EYA2: variants seen among roughly 807,000 people sequenced by gnomAD.
EYA2 encodes protein phosphatase EYA2.
In EYA2, 31 loss-of-function variants were observed where a neutral mutation model predicts 69.2. That is an observed-to-expected ratio of 0.45 (90% CI 0.34 to 0.60). The LOEUF is 0.60. Ranked by LOEUF, EYA2 falls within the 20% of genes least tolerant of loss-of-function variation. The pLI is 0.02. For synonymous variants in EYA2, 257 were observed against 279.4 expected (o/e 0.92, Z 0.80); for missense variants, 622 against 701.2 (o/e 0.89, Z 1.28).
chr20:46,977,496 T>C (rs924883959), intron 1 of EYA2, among the ~76,000 whole-genome samples: 4 of 152,186 alleles, frequency 2.6e-5, no homozygotes, highest in African/African-American at 9.6e-5. Flanking sequence ...GTATCCTCAA[T>C]GTCTGAGACA....
At chr20:46,955,245 C>G (rs1354944201) in intron 1 of EYA2, among the ~76,000 whole-genome samples, 3 of 152,152 alleles carry the variant, frequency 2.0e-5, no homozygotes, top group South Asian at 4.2e-4. Flanking sequence ...CAAGCAATTC[C>G]CCTGCCTCAG....
intron 9 of EYA2, among the ~76,000 whole-genome samples, chr20:47,136,326 A>C (rs957431084): frequency 6.7e-6 from 1 of 149,308 alleles, no homozygotes; most frequent in African/African-American, 2.5e-5. Flanking sequence ...ACATCAGATT[A>C]ATTTTATTTT....
intron 5 of EYA2, among the ~76,000 whole-genome samples, chr20:47,025,193 T>C (rs1984006260): frequency 6.6e-6 from 1 of 152,226 alleles, no homozygotes; most frequent in Non-Finnish European, 1.5e-5. Flanking sequence ...TATTTACATT[T>C]TTATTTTTTC....
In EYA2 at chr20:46,999,016, A is replaced by G. The variant is rs138633422; in HGVS notation, c.110-2412A>G. Among the ~76,000 whole-genome samples the G allele has an allele frequency of 1.2e-4, 19 of 152,290 alleles. No homozygotes were observed. In the East Asian group the frequency reaches 3.7e-3, roughly 29 times the overall value. ...CTGGGGAAGGCAGGTTGCTCAATTC[A>G]GAGGAACTGGGTGGAAGCTTGAAAA... On this transcript the variant is annotated intron_variant, in intron 2 of 15. Transcript: ENST00000327619.
intron 1 of EYA2, among the ~76,000 whole-genome samples, chr20:46,987,207 C>T (rs1981287230): frequency 6.6e-6 from 1 of 152,144 alleles, no homozygotes; most frequent in Non-Finnish European, 1.5e-5. Flanking sequence ...GTGAAAGTAA[C>T]CACAGACAGG....
intron 5 of EYA2, among the ~76,000 whole-genome samples, chr20:47,068,840 T>C (rs1291969368): frequency 6.6e-6 from 1 of 152,228 alleles, no homozygotes; most frequent in East Asian, 1.9e-4. Flanking sequence ...GTGTGGGCTC[T>C]AGAAGCTTCT....
intron 1 of EYA2, among the ~76,000 whole-genome samples, chr20:46,972,065 G>A (rs1980179443): frequency 6.6e-6 from 1 of 152,246 alleles, no homozygotes; most frequent in Non-Finnish European, 1.5e-5. Context: ...TTAGGGGGAT[G>A]TAGGAAGAGT....
chr20:47,175,602 T>A (rs1342922995), intron 12 of EYA2, among the ~76,000 whole-genome samples: 1 of 152,128 alleles, frequency 6.6e-6, no homozygotes, highest in Non-Finnish European at 1.5e-5. Flanking sequence ...ACATAAGCTC[T>A]CATTAAGTGG....
At position 46,990,133 on chromosome 20, in the gene EYA2, T is replaced by A. The variant is rs1402570208; in HGVS notation, c.109+14T>A. The A allele has an allele frequency of 6.6e-7, 1 of 1,519,346 alleles. No individual in the cohort carries two copies. The allele number at this position is 1,519,346 out of a possible 1,614,324, so 94.1% of individuals were successfully genotyped here. A position where few individuals can be genotyped will look rare whatever the true frequency, so the allele number is the denominator to read the frequency against. On this transcript the variant is annotated intron_variant, in intron 2 of 15. Coordinates refer to ENST00000327619, the MANE Select transcript of EYA2 (RefSeq NM_005244.5). Reference sequence around the variant, plus strand: ...GTGACAGACAAGGTAGGCTTCCTGCTGTGAGTTTGGGTCAACAGGTGTGGT... The same window carrying A: ...GTGACAGACAAGGTAGGCTTCCTGCAGTGAGTTTGGGTCAACAGGTGTGGT...
chr20:46,961,512 A>T (rs1476135574), intron 1 of EYA2, among the ~76,000 whole-genome samples: 2 of 152,222 alleles, frequency 1.3e-5, no homozygotes, highest in Non-Finnish European at 2.9e-5. Context: ...CAGCGATCCC[A>T]CTACTGGGTA....
intron 2 of EYA2, among the ~76,000 whole-genome samples, chr20:46,992,290 C>T (rs1206782): frequency 3.0e-4 from 46 of 152,270 alleles, no homozygotes; most frequent in African/African-American, 9.4e-4. Flanking sequence ...ATTTTACAGA[C>T]GAGGAAACCA....
intron 5 of EYA2, among the ~76,000 whole-genome samples, chr20:47,062,186 A>C (rs1421900257): frequency 6.6e-6 from 1 of 152,178 alleles, no homozygotes; most frequent in Non-Finnish European, 1.5e-5. Flanking sequence ...TCCACCTCGG[A>C]CCACCACCCC....
intron 12 of EYA2, among the ~76,000 whole-genome samples, chr20:47,174,845 C>G (rs1220742334): frequency 1.3e-5 from 2 of 152,248 alleles, no homozygotes; most frequent in African/African-American, 2.4e-5. Flanking sequence ...GGCTGGGTGA[C>G]TGCACCACCT....
chr20:47,137,491 G>A (rs2033503374), intron 9 of EYA2, among the ~76,000 whole-genome samples: 1 of 152,146 alleles, frequency 6.6e-6, no homozygotes, highest in Non-Finnish European at 1.5e-5. Context: ...AGGGGTCAGT[G>A]GCCCGAAAGA....
chr20:47,115,729 A>G (rs1400788346), intron 9 of EYA2, among the ~76,000 whole-genome samples: 1 of 152,186 alleles, frequency 6.6e-6, no homozygotes, highest in African/African-American at 2.4e-5. Context: ...CAACTGCTTC[A>G]AGAGGCAAAT....
chr20:46,987,964 C>CTCTCTCTATATATA (rs1555809797), intron 1 of EYA2, among the ~76,000 whole-genome samples: 5 of 11,268 alleles, frequency 4.4e-4, no homozygotes, highest in Non-Finnish European at 5.1e-4. Flanking sequence ...CTCTCTCTCT[C>CTCTCTCTATATATA]TATATATATA....
intron 7 of EYA2, among the ~76,000 whole-genome samples, chr20:47,087,664 G>A (rs2031939134): frequency 6.6e-6 from 1 of 152,194 alleles, no homozygotes. Flanking sequence ...ACTTGTTGGG[G>A]ACCACTAGAC....
rs150588951 is a variant in EYA2, at chr20:46,992,466, G to A, written c.109+2347G>A. ...GCTATGAGCCCATTTTACAGACATG[G>A]AAGTTGGGGCATGGAGGAGTTACGT... On this transcript the variant is annotated intron_variant, in intron 2 of 15. Transcript: ENST00000327619. Among the ~76,000 whole-genome samples the A allele has an allele frequency of 3.0e-3, 456 of 152,302 alleles. 3 individuals carry two copies. Among genetic ancestry groups the A allele is most frequent in the African/African-American group, 0.011 (439 of 41,552 alleles).
intron 1 of EYA2, among the ~76,000 whole-genome samples, chr20:46,899,075 A>G (rs1443278916): frequency 2.0e-5 from 3 of 152,176 alleles, no homozygotes; most frequent in Admixed American, 1.3e-4. Context: ...CCCCTTGAGT[A>G]TTATTATCAT....
Sources: allele counts gnomAD v4.1 joint callset (sites outside exome capture counted in the v4.1 genomes callset), GRCh38; gene constraint gnomAD v4.1.1; transcripts MANE v1.5; gene names NCBI Gene and HGNC (gene_info 2026-07-23, HGNC 2026-07-21).